The following ANP32B variants were observed in gnomAD, a reference collection of about 807,000 sequenced individuals.
The protein encoded by ANP32B is acidic nuclear phosphoprotein 32 family member B, also known as acidic leucine-rich nuclear phosphoprotein 32 family member B.
Under a neutral mutation model 32.2 loss-of-function variants are expected in ANP32B, and 6 were observed. That is an observed-to-expected ratio of 0.19 (90% CI 0.10 to 0.37). The LOEUF is 0.37. ANP32B is among the 10% of genes least tolerant of loss of function. The pLI is 1.00. For synonymous variants in ANP32B, 98 were observed against 105.8 expected (o/e 0.93, Z 0.45); for missense variants, 204 against 289.2 (o/e 0.71, Z 2.14).
chr9:98,002,487 A>T (rs1437340331), intron 3 of ANP32B: 1 of 152,118 alleles, frequency 6.6e-6, no homozygotes, highest in Admixed American at 6.5e-5. Flanking sequence ...ATTTTTTTTA[A>T]TCAGTATTTA....
At chr9:98,005,798 G>C (rs1416976705) in intron 4 of ANP32B, among the ~76,000 whole-genome samples, 1 of 152,166 alleles carries the variant, frequency 6.6e-6, no homozygotes, top group Non-Finnish European at 1.5e-5. Context: ...TGCTCTTACA[G>C]GCTTGCCACT....
At chr9:97,998,032 A>G (rs1235008678) in intron 2 of ANP32B, among the ~76,000 whole-genome samples, 1 of 152,166 alleles carries the variant, frequency 6.6e-6, no homozygotes, top group Non-Finnish European at 1.5e-5. Flanking sequence ...AAGCTTCTTT[A>G]TGGGCTTACT....
chr9:97,985,882 C>T (rs917267301), intron 1 of ANP32B, among the ~76,000 whole-genome samples: 1 of 152,064 alleles, frequency 6.6e-6, no homozygotes, highest in African/African-American at 2.4e-5. Context: ...AGTGCAATGG[C>T]ACTATCTCGG....
At chr9:98,012,347 G>T in intron 5 of ANP32B, 74 bp from the exon 6 acceptor site, 1 of 1,529,148 alleles carries the variant, frequency 6.5e-7, no homozygotes, top group South Asian at 1.2e-5. Context: ...TTCTTAGTTT[G>T]GCAGAATTTG....
intron 4 of ANP32B, 159 bp downstream of exon 4, chr9:98,005,312 A>G (rs1258514588): frequency 1.8e-6 from 1 of 570,262 alleles, no homozygotes; most frequent in Non-Finnish European, 3.0e-6. Flanking sequence ...GTTTGAGACT[A>G]GCCTGGGCAA....
chr9:98,009,350 CTT>C (rs1470714316), intron 4 of ANP32B, among the ~76,000 whole-genome samples: 5 of 152,198 alleles, frequency 3.3e-5, no homozygotes, highest in Non-Finnish European at 5.9e-5. Context: ...CTCAGTCACT[CTT>C]AGAATAAAAC....
intron 1 of ANP32B, among the ~76,000 whole-genome samples, chr9:97,987,295 C>T (rs904166052): frequency 6.6e-6 from 1 of 151,930 alleles, no homozygotes; most frequent in Non-Finnish European, 1.5e-5. Flanking sequence ...TGGTGGTTAC[C>T]ATTTAAAAAC....
At chr9:97,986,097 A>G (rs1367174484) in intron 1 of ANP32B, among the ~76,000 whole-genome samples, 1 of 148,866 alleles carries the variant, frequency 6.7e-6, no homozygotes, top group Non-Finnish European at 1.5e-5. Context: ...CTGGGATTAC[A>G]GGCGTGAGCC....
intron 4 of ANP32B, among the ~76,000 whole-genome samples, chr9:98,007,211 A>G (rs935471787): frequency 2.6e-5 from 4 of 152,242 alleles, no homozygotes; most frequent in Admixed American, 1.3e-4. Flanking sequence ...AACTAACTGC[A>G]TTGCTAAAGT....
intron 4 of ANP32B, among the ~76,000 whole-genome samples, chr9:98,009,532 A>G (rs1828144255): frequency 6.6e-6 from 1 of 152,240 alleles, no homozygotes; most frequent in Non-Finnish European, 1.5e-5. Flanking sequence ...AGATTCTCAT[A>G]AGGAATGCAC....
At position 98,012,405 on chromosome 9, in the gene ANP32B, G is replaced by C. The variant is rs1395181807; in HGVS notation, c.637-16G>C. ...GGCAGAATTAATTTAATGTTATGCTGTTTGCTATTCTTTAGGAAGAAGAAT... is the reference window on the plus strand; with the variant it reads ...GGCAGAATTAATTTAATGTTATGCTCTTTGCTATTCTTTAGGAAGAAGAAT... On this transcript the variant is annotated splice_polypyrimidine_tract_variant and intron_variant, in intron 5 of 6. Transcript: ENST00000339399. The C allele has an allele frequency of 1.9e-6, 3 of 1,609,942 alleles. No individual in the cohort carries two copies. The highest frequency in any genetic ancestry group is 2.5e-6 in the Non-Finnish European group (3 of 1,178,640).
chr9:97,988,132 G>T (rs1030190288), intron 1 of ANP32B, among the ~76,000 whole-genome samples: 1 of 150,304 alleles, frequency 6.7e-6, no homozygotes. Flanking sequence ...CTAGCTTGTT[G>T]CTTTTTTTTT....
chr9:98,004,109 T>C (rs1256260227), intron 3 of ANP32B, among the ~76,000 whole-genome samples: 8 of 152,188 alleles, frequency 5.3e-5, no homozygotes. Flanking sequence ...TAATAACAAA[T>C]GAAGATCTGA....
chr9:97,993,527 A>T (rs971962623), intron 1 of ANP32B, among the ~76,000 whole-genome samples: 3 of 152,226 alleles, frequency 2.0e-5, no homozygotes, highest in Non-Finnish European at 4.4e-5. Context: ...AGTGAGCTAA[A>T]AAGTTGCAAG....
At chr9:97,990,683 A>C (rs1162315414) in intron 1 of ANP32B, among the ~76,000 whole-genome samples, 1 of 152,094 alleles carries the variant, frequency 6.6e-6, no homozygotes, top group African/African-American at 2.4e-5. Context: ...TGAACTTCTC[A>C]TTCTCACTTA....
intron 3 of ANP32B, among the ~76,000 whole-genome samples, chr9:98,000,176 CTA>C (rs1217460199): frequency 1.3e-5 from 2 of 152,178 alleles, no homozygotes; most frequent in Admixed American, 6.5e-5. Flanking sequence ...AGAGGTCTCA[CTA>C]TGTTAGGCCA....
intron 3 of ANP32B, among the ~76,000 whole-genome samples, chr9:98,000,797 C>T (rs1243339344): frequency 1.3e-5 from 2 of 151,742 alleles, no homozygotes; most frequent in African/African-American, 4.8e-5. Flanking sequence ...TGGCAGGCGC[C>T]TATAATTCCA....
intron 4 of ANP32B, among the ~76,000 whole-genome samples, chr9:98,010,303 C>T (rs1160302461): frequency 1.4e-5 from 2 of 143,824 alleles, no homozygotes; most frequent in African/African-American, 2.6e-5. Context: ...CATAAATAGG[C>T]TAGGTATGGT....
intron 3 of ANP32B, among the ~76,000 whole-genome samples, chr9:98,003,633 T>C (rs1276760713): frequency 1.3e-5 from 2 of 152,244 alleles, no homozygotes; most frequent in Non-Finnish European, 2.9e-5. Flanking sequence ...CCTTGAGTTC[T>C]GAAAATAAGG....
Sources: allele counts gnomAD v4.1 joint callset (sites outside exome capture counted in the v4.1 genomes callset), GRCh38; gene constraint gnomAD v4.1.1; transcripts MANE v1.5; gene names NCBI Gene and HGNC (gene_info 2026-07-23, HGNC 2026-07-21).